SUMF1: variants seen among roughly 807,000 people sequenced by gnomAD.
SUMF1 encodes the protein formylglycine-generating enzyme.
A neutral mutation model predicts 47.6 loss-of-function variants in SUMF1; 48 were observed. The ratio of observed to expected loss-of-function variants is 1.01; its 90% CI spans 0.80 to 1.28. The LOEUF (loss-of-function observed/expected upper bound fraction) is 1.28. SUMF1 is among the 50% of genes most tolerant of loss of function. The pLI is 0.00. For synonymous variants in SUMF1, 230 were observed against 192.1 expected (o/e 1.20, Z -1.63); for missense variants, 571 against 485.4 (o/e 1.18, Z -1.66).
intron 8 of SUMF1, among the ~76,000 whole-genome samples, chr3:4,069,161 T>A (rs577328133): frequency 6.6e-6 from 1 of 151,948 alleles, no homozygotes; most frequent in Non-Finnish European, 1.5e-5. Context: ...AAAGAACACA[T>A]AGGATGAGAT....
At chr3:4,340,046 C>T (rs925406487) in intron 8 of SUMF1, among the ~76,000 whole-genome samples, 10 of 152,060 alleles carry the variant, frequency 6.6e-5, no homozygotes, top group African/African-American at 2.4e-4. Context: ...CCACTGCACT[C>T]CAGCCTGGGC....
chr3:4,080,240 TATGA>T (rs1692530965), intron 8 of SUMF1, among the ~76,000 whole-genome samples: 1 of 152,160 alleles, frequency 6.6e-6, no homozygotes, highest in African/African-American at 2.4e-5. Flanking sequence ...TTAAGTTTTT[TATGA>T]ATGAAGGCTA....
At chr3:4,341,856 T>TG (rs1699279440) in intron 8 of SUMF1, among the ~76,000 whole-genome samples, 1 of 152,186 alleles carries the variant, frequency 6.6e-6, no homozygotes, top group Non-Finnish European at 1.5e-5. Flanking sequence ...TGTGTGTGTG[T>TG]TTTTTAACTA....
intron 8 of SUMF1, among the ~76,000 whole-genome samples, chr3:4,319,041 C>T (rs1227547243): frequency 6.6e-6 from 1 of 152,180 alleles, no homozygotes; most frequent in Non-Finnish European, 1.5e-5. Context: ...CAGGGAATTG[C>T]AATTTAAAAC....
At chr3:4,247,360 C>T (rs1272237654) in intron 8 of SUMF1, among the ~76,000 whole-genome samples, 1 of 152,172 alleles carries the variant, frequency 6.6e-6, no homozygotes, top group East Asian at 1.9e-4. Context: ...CAACTCTGTG[C>T]TACAGTCAAA....
chr3:4,295,142 G>GT (rs1356094580), intron 8 of SUMF1, among the ~76,000 whole-genome samples: 1 of 152,078 alleles, frequency 6.6e-6, no homozygotes, highest in African/African-American at 2.4e-5. Context: ...TTTGCATTTG[G>GT]TTTTTCGTTT....
At chr3:4,115,562 C>G (rs1317251815) in intron 8 of SUMF1, among the ~76,000 whole-genome samples, 1 of 118,010 alleles carries the variant, frequency 8.5e-6, no homozygotes, top group Non-Finnish European at 1.8e-5. Context: ...ACGCTCCTCA[C>G]GACCTGCCAG....
intron 8 of SUMF1, among the ~76,000 whole-genome samples, chr3:4,235,385 T>C (rs1696385157): frequency 6.6e-6 from 1 of 152,000 alleles, no homozygotes; most frequent in Non-Finnish European, 1.5e-5. Flanking sequence ...TTCAGGAGAA[T>C]AATACTAGGC....
chr3:4,075,664 GC>G (rs1399144680), intron 8 of SUMF1, among the ~76,000 whole-genome samples: 3 of 152,002 alleles, frequency 2.0e-5, no homozygotes, highest in Non-Finnish European at 2.9e-5. Flanking sequence ...AAATCAATAG[GC>G]AAAAATCACA....
intron 8 of SUMF1, among the ~76,000 whole-genome samples, chr3:4,116,322 T>C (rs1362819177): frequency 6.6e-6 from 1 of 152,128 alleles, no homozygotes; most frequent in Non-Finnish European, 1.5e-5. Flanking sequence ...GTAAGAACAA[T>C]GATTATTATT....
At position 4,089,459 on chromosome 3, in the gene SUMF1, A is replaced by G. The variant is rs534184665; in HGVS notation, c.1015-20714T>C. 1.1e-4 allele frequency among the ~76,000 whole-genome samples: 17 copies of G among 152,206 alleles called. No individual in the cohort carries two copies. In the South Asian group the frequency reaches 3.3e-3, roughly 30 times the overall value. On this transcript the variant is annotated intron_variant and NMD_transcript_variant, in intron 8 of 12. Transcript: ENST00000448413. ...TAAACAATTGGAAAATACTTGGTAT[A>G]AAAAAATACAAACATTGTTTTCAGG...
intron 8 of SUMF1, among the ~76,000 whole-genome samples, chr3:4,353,234 T>C (rs1048406841): frequency 1.3e-5 from 2 of 152,156 alleles, no homozygotes; most frequent in Admixed American, 1.3e-4. Flanking sequence ...CCCTCATCTT[T>C]ACATTTTAAG....
chr3:4,365,433 G>C (rs1255534167), intron 8 of SUMF1, among the ~76,000 whole-genome samples: 1 of 124,244 alleles, frequency 8.0e-6, no homozygotes, highest in Non-Finnish European at 1.9e-5. Context: ...AGGATAGTTA[G>C]CTCTTGTTGT....
In SUMF1 at chr3:4,361,206, C is replaced by T. The variant is rs1699744019; in HGVS notation, c.*938G>A. The T allele has an allele frequency of 2.0e-5, 3 of 152,526 alleles. No individual in the cohort carries two copies. The highest frequency in any genetic ancestry group is 7.2e-5 in the African/African-American group (3 of 41,466). The allele number at this position is 152,526 out of a possible 1,614,324, so 9.4% of individuals were successfully genotyped here. A position where few individuals can be genotyped will look rare whatever the true frequency, so the allele number is the denominator to read the frequency against. On this transcript the variant is annotated 3_prime_UTR_variant, in exon 9 of 9. Transcript: ENST00000272902. Reference sequence around the variant, plus strand: ...ATGATTCAAAGCATCGGATATTCCACAGCCAACAAGGTTTCCTATTCCCTA... The same window carrying T: ...ATGATTCAAAGCATCGGATATTCCATAGCCAACAAGGTTTCCTATTCCCTA...
rs1309695983 is a variant in SUMF1 at position 4,252,348 on chromosome 3, A to ATG, written c.1014+123980_1014+123981dup. On this transcript the variant is annotated intron_variant and NMD_transcript_variant, in intron 8 of 12. Transcript: ENST00000448413. ...TTTTGGATTCGCTCCAAATACACAC[A>ATG]TGCGCACACACACACACACACACAC... Among the ~76,000 whole-genome samples, 14 of 127,814 alleles carry ATG rather than the reference A, an allele frequency of 1.1e-4. No homozygotes were observed. In the East Asian group the frequency reaches 2.8e-3, roughly 26 times the overall value. The allele number at this position is 127,814 out of a possible 152,430, so 83.9% of individuals were successfully genotyped here.
chr3:4,267,632 A>G (rs1355245077), intron 8 of SUMF1, among the ~76,000 whole-genome samples: 15 of 152,134 alleles, frequency 9.9e-5, no homozygotes, highest in Non-Finnish European at 4.4e-5. Context: ...AACACATGAA[A>G]AAATGCTCAC....
At chr3:4,037,975 C>G (rs766284694) in intron 9 of SUMF1, among the ~76,000 whole-genome samples, 1 of 152,038 alleles carries the variant, frequency 6.6e-6, no homozygotes, top group Non-Finnish European at 1.5e-5. Flanking sequence ...ATAGGTGGCA[C>G]TTAGATGTAG....
chr3:4,239,884 T>A (rs971667418), intron 8 of SUMF1, among the ~76,000 whole-genome samples: 1 of 152,210 alleles, frequency 6.6e-6, no homozygotes, highest in Non-Finnish European at 1.5e-5. Context: ...TTTTGCCCAT[T>A]CAGTATGATA....
chr3:4,089,660 A>T (rs1298523252), intron 8 of SUMF1, among the ~76,000 whole-genome samples: 1 of 152,170 alleles, frequency 6.6e-6, no homozygotes, highest in Admixed American at 6.5e-5. Flanking sequence ...TAAGTGATAT[A>T]CCAGAGATCC....
Sources: gnomAD v4.1 joint callset for allele counts (sites outside exome capture counted in the v4.1 genomes callset) on GRCh38, gnomAD v4.1.1 for gene constraint, MANE v1.5 for transcripts, NCBI Gene and HGNC (gene_info 2026-07-23, HGNC 2026-07-21) for gene names.